DCDC1: variants seen among roughly 807,000 people sequenced by gnomAD.
DCDC1 encodes the protein doublecortin domain containing 1.
In DCDC1, 200 loss-of-function variants were observed where a neutral mutation model predicts 178.3. That is an observed-to-expected ratio of 1.12 (90% CI 1.00 to 1.26). DCDC1 has a LOEUF of 1.26. Among genes scored for constraint, DCDC1 ranks in the 50% most tolerant of loss-of-function variants. The pLI is 0.00. For missense variants in DCDC1, 1,983 were observed against 1,749.2 expected (o/e 1.13, Z -2.38); for synonymous variants, 690 against 604.8 (o/e 1.14, Z -2.07).
At chr11:31,147,829 G>A (rs1259010078) in intron 9 of DCDC1, among the ~76,000 whole-genome samples, 1 of 152,212 alleles carries the variant, frequency 6.6e-6, no homozygotes, top group Non-Finnish European at 1.5e-5. Flanking sequence ...TCTGTAGAGA[G>A]TGGGAATCAC....
At chr11:30,894,006 T>C (rs188726921) in intron 35 of DCDC1, among the ~76,000 whole-genome samples, 1 of 152,348 alleles carries the variant, frequency 6.6e-6, no homozygotes, top group East Asian at 1.9e-4. Flanking sequence ...CCTTTTTCTC[T>C]TCTTTGCTAA....
intron 2 of DCDC1, among the ~76,000 whole-genome samples, chr11:31,328,945 C>CTTTTTATTTTTTTTTTTTTT (rs1949801398): frequency 2.1e-5 from 1 of 47,788 alleles, no homozygotes; most frequent in Non-Finnish European, 4.2e-5. Context: ...CACCACAAGG[C>CTTTTTATTTTTTTTTTTTTT]TTTTTTTTTT....
At chr11:31,137,648 C>T (rs1301982067) in intron 10 of DCDC1, 44 bp downstream of exon 10, 2 of 697,718 alleles carry the variant, frequency 2.9e-6, no homozygotes, top group South Asian at 1.5e-5. Context: ...GTGCCTGGCC[C>T]TCATTGCAGT....
chr11:31,197,269 T>C (rs76003885), intron 9 of DCDC1, among the ~76,000 whole-genome samples: 1 of 152,078 alleles, frequency 6.6e-6, no homozygotes, highest in South Asian at 2.1e-4. Flanking sequence ...ACTTCCTTAT[T>C]ATCACAACTA....
chr11:31,266,548 C>T (rs537696579), intron 7 of DCDC1, among the ~76,000 whole-genome samples: 3 of 152,230 alleles, frequency 2.0e-5, no homozygotes, highest in African/African-American at 7.2e-5. Flanking sequence ...AAGTGCTCTG[C>T]CATCCATTTT....
intron 21 of DCDC1, chr11:30,944,120 T>C (rs1590466992): frequency 3.1e-6 from 1 of 320,420 alleles, no homozygotes; most frequent in Non-Finnish European, 6.2e-6. Flanking sequence ...ACAGTGACTA[T>C]ATGACTAAAT....
chr11:30,899,594 TC>T lies in DCDC1; in HGVS notation c.4711del (p.Asp1571ThrfsTer7). The T allele has an allele frequency of 6.3e-7, 1 of 1,583,026 alleles. No individual in the cohort carries two copies. Among genetic ancestry groups the T allele is most frequent in the South Asian group, 1.2e-5 (1 of 84,524 alleles). Reference protein sequence around the residue: ...KLEKQNWLKKDRILADLDTMR... With the variant: ...KLEKQNWLKKXRILADLDTMR... ...GGTATCTAGATCAGCCAAAATTCTG[TC>T]CTTTTTTAGCCAGTTCTGTTTCTCT... On this transcript the variant is annotated frameshift_variant, in exon 34 of 39. Coordinates refer to ENST00000684477, the MANE Select transcript of DCDC1 (RefSeq NM_001387274.1). LOFTEE classifies it high-confidence loss of function.
chr11:31,058,594 A>T lies in DCDC1; in HGVS notation c.2591+5875T>A, dbSNP rs1955736181. On this transcript the variant is annotated intron_variant, in intron 20 of 38. Transcript: ENST00000684477. ...AGAGGAAGGGAGGGAAATGGTGATC[A>T]GAGATATGATGGGACTGGTAAAGTG... is the stretch of plus-strand genomic sequence containing the variant. Among the ~76,000 whole-genome samples the T allele has an allele frequency of 2.0e-5, 3 of 152,096 alleles. 1 individual carries two copies. Among genetic ancestry groups the T allele is most frequent in the Admixed American group, 2.0e-4 (3 of 15,256 alleles).
intron 3 of DCDC1, 105 bp downstream of exon 3, chr11:31,328,012 G>A: frequency 1.7e-6 from 2 of 1,199,480 alleles, no homozygotes; most frequent in Non-Finnish European, 2.2e-6. Flanking sequence ...TTACAGGCAT[G>A]AGCCACCTGG....
intron 9 of DCDC1, among the ~76,000 whole-genome samples, chr11:31,228,769 C>A (rs1975352582): frequency 6.6e-6 from 1 of 151,996 alleles, no homozygotes; most frequent in Non-Finnish European, 1.5e-5. Flanking sequence ...ATCTTTATGT[C>A]AACAAATTTT....
intron 38 of DCDC1, among the ~76,000 whole-genome samples, chr11:30,877,908 A>G (rs1942285468): frequency 6.6e-6 from 1 of 152,148 alleles, no homozygotes; most frequent in Non-Finnish European, 1.5e-5. Context: ...CATATATGGA[A>G]TATATTTTCT....
chr11:31,315,482 G>C (rs1949038323), intron 3 of DCDC1, among the ~76,000 whole-genome samples: 1 of 151,096 alleles, frequency 6.6e-6, no homozygotes, highest in South Asian at 2.1e-4. Flanking sequence ...GACTACAGGT[G>C]CACGCTGCCA....
At chr11:31,113,102 G>T (rs1959226545) in intron 11 of DCDC1, among the ~76,000 whole-genome samples, 1 of 152,026 alleles carries the variant, frequency 6.6e-6, no homozygotes, top group African/African-American at 2.4e-5. Flanking sequence ...AAACTACAAT[G>T]CAAAACTAGT....
chr11:31,017,587 AT>A (rs542611730), intron 20 of DCDC1, among the ~76,000 whole-genome samples: 146 of 147,570 alleles, frequency 9.9e-4, no homozygotes, highest in Admixed American at 1.3e-3. Context: ...TAAGTTATTA[AT>A]TTTTTTTTTT....
intron 20 of DCDC1, among the ~76,000 whole-genome samples, chr11:30,961,324 T>C (rs1184051942): frequency 1.3e-5 from 2 of 152,094 alleles, no homozygotes; most frequent in East Asian, 3.9e-4. Flanking sequence ...CAGGACAAAA[T>C]TGTATTGTTT....
chr11:30,865,467 A>T (rs1337842048), intron 38 of DCDC1, 135 bp from the exon 39 acceptor site: 1 of 153,328 alleles, frequency 6.5e-6, no homozygotes, highest in East Asian at 1.9e-4. Context: ...TTATCAGAAT[A>T]GGTGCATTAA....
At chr11:30,898,583 C>A (rs2134092664) in intron 34 of DCDC1, among the ~76,000 whole-genome samples, 1 of 152,172 alleles carries the variant, frequency 6.6e-6, no homozygotes, top group Admixed American at 6.5e-5. Context: ...ACAAAGGAGG[C>A]ATTGGTGTTG....
intron 20 of DCDC1, among the ~76,000 whole-genome samples, chr11:31,008,179 G>C (rs1332819113): frequency 6.6e-6 from 1 of 152,132 alleles, no homozygotes; most frequent in African/African-American, 2.4e-5. Flanking sequence ...TAGGGAGGGG[G>C]GATTATGTGG....
At chr11:31,086,233 G>A (rs564937617) in intron 17 of DCDC1, among the ~76,000 whole-genome samples, 53 of 152,216 alleles carry the variant, frequency 3.5e-4, no homozygotes, top group African/African-American at 1.2e-3. Context: ...AGTTCTAGTT[G>A]TACCACATAC....
Sources: gnomAD v4.1 joint callset for allele counts (sites outside exome capture counted in the v4.1 genomes callset) on GRCh38, gnomAD v4.1.1 for gene constraint, MANE v1.5 for transcripts, NCBI Gene and HGNC (gene_info 2026-07-23, HGNC 2026-07-21) for gene names.